The following PYGB variants were observed in gnomAD, a reference collection of about 807,000 sequenced individuals.
PYGB encodes glycogen phosphorylase B.
A neutral mutation model predicts 94.3 loss-of-function variants in PYGB; 82 were observed. That is an observed-to-expected ratio of 0.87 (90% CI 0.73 to 1.04). The LOEUF is 1.04. PYGB is among the 50% of genes least tolerant of loss of function. The pLI, the probability that PYGB is intolerant of heterozygous loss-of-function variation, is 0.00. For synonymous variants in PYGB, 488 were observed against 479.1 expected (o/e 1.02, Z -0.24); for missense variants, 1,132 against 1,158.2 (o/e 0.98, Z 0.33).
Position 25,295,600 on chromosome 20 carries a change from C to T in PYGB, c.2313-4C>T. 6.2e-7 allele frequency: 1 copy of T among 1,613,626 alleles called. No individual in the cohort carries two copies. Among genetic ancestry groups the T allele is most frequent in the East Asian group, 2.2e-5 (1 of 44,882 alleles). ...CTGGCCCAGCCTCCTTTCTCCCATTCCAGGTTCAAGGTGTTTGCAGACTAT... is the reference window on the plus strand; with the variant it reads ...CTGGCCCAGCCTCCTTTCTCCCATTTCAGGTTCAAGGTGTTTGCAGACTAT... On this transcript the variant is annotated splice_polypyrimidine_tract_variant and splice_region_variant and intron_variant, in intron 18 of 19. Transcript: ENST00000216962.
At chr20:25,276,834 C>T (rs749919156) in intron 6 of PYGB, 77 bp downstream of exon 6, 227 of 1,365,146 alleles carry the variant, frequency 1.7e-4, no homozygotes, top group Non-Finnish European at 2.1e-4. Context: ...CAGCCTTTAC[C>T]GCGCCCTGTG....
chr20:25,279,066 C>T lies in PYGB; in HGVS notation c.1009C>T (p.Gln337Ter). Residue 337 changes from glutamine to a stop codon, truncating the protein, a stop_gained, in exon 9 of 20, where the codon CAG (glutamine) becomes TAG (stop). Coordinates refer to ENST00000216962, the MANE Select transcript of PYGB (RefSeq NM_002862.4). LOFTEE classifies it high-confidence loss of function. ...CTTGTGCGACCTTCAGGTGGCCATC[C>T]AGCTGAACGACACCCACCCCGCCCT... ...FETFPDKVAI[Q>*]LNDTHPALSI... 3 of 1,612,646 alleles carry T rather than the reference C, an allele frequency of 1.9e-6. No homozygotes were observed. Among genetic ancestry groups the T allele is most frequent in the East Asian group, 2.2e-5 (1 of 44,838 alleles).
At chr20:25,248,541 CG>C in intron 1 of PYGB, 120 bp downstream of exon 1, 2 of 1,201,516 alleles carry the variant, frequency 1.7e-6, no homozygotes, top group Non-Finnish European at 2.1e-6. Context: ...CCTAGCCGGC[CG>C]GCGGCCAGGC....
intron 1 of PYGB, among the ~76,000 whole-genome samples, chr20:25,255,836 C>T (rs2092901398): frequency 6.6e-6 from 1 of 151,924 alleles, no homozygotes; most frequent in Non-Finnish European, 1.5e-5. Flanking sequence ...CGGGTTCAGG[C>T]GATTCTCCTG....
chr20:25,284,437 C>G (rs1486640402), intron 14 of PYGB, among the ~76,000 whole-genome samples, 186 bp downstream of exon 14: 2 of 152,180 alleles, frequency 1.3e-5, no homozygotes, highest in African/African-American at 4.8e-5. Context: ...CATGCCAGGC[C>G]TCACGTGAGC....
intron 2 of PYGB, among the ~76,000 whole-genome samples, chr20:25,264,084 T>G (rs2092919243): frequency 6.6e-6 from 1 of 152,162 alleles, no homozygotes. Flanking sequence ...TCCACCATGA[T>G]CAAGTGGGGT....
intron 18 of PYGB, 139 bp from the exon 19 acceptor site, chr20:25,295,465 C>A: frequency 1.1e-6 from 1 of 922,592 alleles, no homozygotes; most frequent in Non-Finnish European, 1.7e-6. Flanking sequence ...TGGCTCTGAC[C>A]AGCTGCGTGG....
chr20:25,271,429 C>A lies in PYGB; in HGVS notation c.471C>A (p.Gly157=). 6.2e-7 allele frequency: 1 copy of A among 1,614,208 alleles called. No individual in the cohort carries two copies. The highest frequency in any genetic ancestry group is 1.3e-5 in the African/African-American group (1 of 75,050). ...SMATLGLAAY[G]YGIRYEFGIF... is the part of the protein sequence containing the mutation. ...CTACCTTGGGCCTGGCAGCATACGG[C>A]TATGGAATCCGCTATGAATTTGGGA... The change falls in exon 4 of 20, where the codon GGC becomes GGA. Residue 157 remains glycine, a synonymous_variant. Coordinates refer to ENST00000216962, the MANE Select transcript of PYGB (RefSeq NM_002862.4).
At position 25,278,463 on chromosome 20, in the gene PYGB, G is replaced by T. The variant is rs775476799; in HGVS notation, c.999+1G>T. 1.2e-6 allele frequency: 2 copies of T among 1,614,118 alleles called. No individual in the cohort carries two copies. Among genetic ancestry groups the T allele is most frequent in the Non-Finnish European group, 1.7e-6 (2 of 1,179,968 alleles). Reference sequence around the variant, plus strand: ...CTGTTTCGAGACGTTCCCAGACAAGGTGCATGGTGGCCCTGGGAGGGATCT... The same window carrying T: ...CTGTTTCGAGACGTTCCCAGACAAGTTGCATGGTGGCCCTGGGAGGGATCT... On this transcript the variant is annotated splice_donor_variant, in intron 8 of 19. Transcript: ENST00000216962. LOFTEE classifies it high-confidence loss of function.
At chr20:25,248,483 C>T (rs1292716076) in intron 1 of PYGB, 62 bp downstream of exon 1, 4 of 1,294,054 alleles carry the variant, frequency 3.1e-6, no homozygotes, top group Admixed American at 4.1e-5. Context: ...CCCGGAGCCG[C>T]GCCAGCGGGG....
intron 15 of PYGB, 84 bp from the exon 16 acceptor site, chr20:25,290,397 C>G (rs2258053): frequency 0.17 from 266,488 of 1,526,874 alleles, 24,739 homozygotes; most frequent in East Asian, 0.33. Context: ...GCCTCACCCC[C>G]CTACAGACCC....
At chr20:25,259,127 A>AT in intron 1 of PYGB, 110 bp from the exon 2 acceptor site, 1 of 983,778 alleles carries the variant, frequency 1.0e-6, no homozygotes, top group Non-Finnish European at 1.5e-6. Flanking sequence ...TGGGGTTGAC[A>AT]TAAATGAAAT....
At chr20:25,294,515 C>A (rs2145903596) in intron 18 of PYGB, among the ~76,000 whole-genome samples, 1 of 152,368 alleles carries the variant, frequency 6.6e-6, no homozygotes, top group South Asian at 2.1e-4. Context: ...CGAGACACAG[C>A]AGCACAGTCC....
chr20:25,284,021 G>A (rs1342179078), intron 13 of PYGB, 83 bp from the exon 14 acceptor site: 9 of 1,534,550 alleles, frequency 5.9e-6, no homozygotes, highest in South Asian at 1.2e-5. Context: ...ACTCTTCACA[G>A]GGCACTTGAA....
intron 18 of PYGB, chr20:25,294,961 T>A: frequency 6.2e-7 from 1 of 1,614,138 alleles, no homozygotes; most frequent in Non-Finnish European, 8.5e-7. Flanking sequence ...CCGTGTCACC[T>A]GTTGGCTTCA....
chr20:25,287,449 G>A (rs537256638), intron 14 of PYGB, among the ~76,000 whole-genome samples: 5 of 152,132 alleles, frequency 3.3e-5, no homozygotes, highest in Admixed American at 6.5e-5. Context: ...GTTTGAGACT[G>A]GTCTGGGCAA....
At position 25,287,787 on chromosome 20, in the gene PYGB, C is replaced by A. The variant is rs542699476; in HGVS notation, c.1769-638C>A. Among the ~76,000 whole-genome samples the A allele has an allele frequency of 5.3e-5, 8 of 152,290 alleles. No individual in the cohort carries two copies. In the South Asian group the frequency reaches 1.7e-3, roughly 32 times the overall value. ...TTGAGCGTGGGAGTTTGAAACCAGCCTGGGCAATGTAGAGAAACCCTCATC... is the reference window on the plus strand; with the variant it reads ...TTGAGCGTGGGAGTTTGAAACCAGCATGGGCAATGTAGAGAAACCCTCATC... On this transcript the variant is annotated intron_variant, in intron 14 of 19. Coordinates refer to ENST00000216962, the MANE Select transcript of PYGB (RefSeq NM_002862.4).
intron 5 of PYGB, among the ~76,000 whole-genome samples, chr20:25,275,572 G>A (rs573822209): frequency 3.9e-5 from 6 of 152,254 alleles, no homozygotes; most frequent in Non-Finnish European, 4.4e-5. Flanking sequence ...CATGGGCTTC[G>A]AGTGGCTGGG....
intron 2 of PYGB, among the ~76,000 whole-genome samples, chr20:25,259,788 C>T (rs1434143377): frequency 1.3e-5 from 2 of 152,154 alleles, no homozygotes; most frequent in Non-Finnish European, 2.9e-5. Flanking sequence ...ACAAAACCTG[C>T]CTTTTCTTGA....
Sources: allele counts gnomAD v4.1 joint callset (sites outside exome capture counted in the v4.1 genomes callset), GRCh38; gene constraint gnomAD v4.1.1; transcripts MANE v1.5; gene names NCBI Gene and HGNC (gene_info 2026-07-23, HGNC 2026-07-21).